SORCS1: variants seen among roughly 807,000 people sequenced by gnomAD.
The protein encoded by SORCS1 is VPS10 domain-containing receptor SorCS1.
Under a neutral mutation model 146.1 loss-of-function variants are expected in SORCS1, and 60 were observed. The ratio of observed to expected loss-of-function variants is 0.41; its 90% CI spans 0.33 to 0.51. SORCS1 has a LOEUF of 0.51. SORCS1 is among the 20% of genes least tolerant of loss of function. The probability of loss-of-function intolerance (pLI) is 0.21; values close to 1 mark genes in which losing one functional copy is unlikely to be tolerated. For synonymous variants in SORCS1, 637 were observed against 584.0 expected (o/e 1.09, Z -1.31); for missense variants, 1,352 against 1,487.6 (o/e 0.91, Z 1.50).
intron 2 of SORCS1, among the ~76,000 whole-genome samples, chr10:106,848,901 T>C (rs1438163287): frequency 2.0e-5 from 3 of 149,398 alleles, no homozygotes; most frequent in Non-Finnish European, 3.0e-5. Flanking sequence ...TTTAAGTATG[T>C]TGAATATTGG....
intron 3 of SORCS1, among the ~76,000 whole-genome samples, chr10:106,816,544 A>G (rs192612172): frequency 1.6e-4 from 25 of 152,330 alleles, no homozygotes; most frequent in Admixed American, 1.5e-3. Context: ...TCAGGAAGTA[A>G]TTAGAGAGCT....
chr10:106,953,807 T>C lies in SORCS1; in HGVS notation c.626+2706A>G, dbSNP rs1210237969. Reference sequence around the variant, plus strand: ...AGATACAGGAAAAATACAGTATAATTTTATGGGACCACTATTGTATATGGT... The same window carrying C: ...AGATACAGGAAAAATACAGTATAATCTTATGGGACCACTATTGTATATGGT... On this transcript the variant is annotated intron_variant, in intron 2 of 25. Transcript: ENST00000263054. Among the ~76,000 whole-genome samples, 4 of 152,096 alleles carry C rather than the reference T, an allele frequency of 2.6e-5. 1 individual carries two copies. The highest frequency in any genetic ancestry group is 2.0e-4 in the Admixed American group (3 of 15,256).
chr10:106,647,899 G>A lies in SORCS1; in HGVS notation c.2475+4483C>T, dbSNP rs143531040. Among the ~76,000 whole-genome samples the A allele has an allele frequency of 2.3e-3, 350 of 152,144 alleles. 3 individuals carry two copies. The highest frequency in any genetic ancestry group is 8.1e-3 in the African/African-American group (335 of 41,502). On this transcript the variant is annotated intron_variant, in intron 18 of 25. Coordinates refer to ENST00000263054, the MANE Select transcript of SORCS1 (RefSeq NM_052918.5). ...TTTAATGTGTTTGAGACAGGGTCTCGCTCTGTCAGCCAGGCTGGAGTGCTG... is the reference window on the plus strand; with the variant it reads ...TTTAATGTGTTTGAGACAGGGTCTCACTCTGTCAGCCAGGCTGGAGTGCTG...
At chr10:107,152,293 G>A (rs936346564) in intron 1 of SORCS1, among the ~76,000 whole-genome samples, 1 of 152,210 alleles carries the variant, frequency 6.6e-6, no homozygotes, top group Non-Finnish European at 1.5e-5. Flanking sequence ...GAGCCCTCAT[G>A]GAGAACCTCT....
At chr10:107,007,822 A>C (rs1957520032) in intron 1 of SORCS1, among the ~76,000 whole-genome samples, 1 of 140,016 alleles carries the variant, frequency 7.1e-6, no homozygotes, top group Admixed American at 6.6e-5. Context: ...GCTCAGGCCC[A>C]ATTACGCTTA....
intron 1 of SORCS1, among the ~76,000 whole-genome samples, chr10:106,982,015 C>G (rs1956263638): frequency 6.6e-6 from 1 of 152,142 alleles, no homozygotes; most frequent in Non-Finnish European, 1.5e-5. Context: ...GTTCCAAGTT[C>G]CAGGTCACCA....
intron 2 of SORCS1, among the ~76,000 whole-genome samples, chr10:106,853,325 C>T (rs181052051): frequency 6.6e-6 from 1 of 151,398 alleles, no homozygotes; most frequent in Admixed American, 6.6e-5. Flanking sequence ...TCTCCTCTTT[C>T]ATTTCTGACA....
chr10:107,166,944 T>G (rs1436903327), upstream of SORCS1, among the ~76,000 whole-genome samples: 1 of 152,244 alleles, frequency 6.6e-6, no homozygotes, highest in Non-Finnish European at 1.5e-5. Context: ...TCCTGAAGAA[T>G]GCTCGTACAA....
intron 9 of SORCS1, among the ~76,000 whole-genome samples, chr10:106,692,280 T>A (rs1365017103): frequency 2.0e-5 from 3 of 152,110 alleles, no homozygotes; most frequent in Non-Finnish European, 2.9e-5. Context: ...TTGCCCAGGC[T>A]GGTCTCAAAC....
chr10:106,870,377 C>T (rs1950362809), intron 2 of SORCS1, among the ~76,000 whole-genome samples: 1 of 152,030 alleles, frequency 6.6e-6, no homozygotes, highest in Admixed American at 6.6e-5. Flanking sequence ...CTCAAATAGC[C>T]CAGGCAATCT....
chr10:106,712,594 T>C (rs1258174777), intron 6 of SORCS1, among the ~76,000 whole-genome samples: 1 of 152,078 alleles, frequency 6.6e-6, no homozygotes, highest in East Asian at 1.9e-4. Flanking sequence ...TCAACTATCT[T>C]GTACTTTAGC....
chr10:106,774,025 C>T (rs1860238470), intron 4 of SORCS1, among the ~76,000 whole-genome samples: 1 of 151,968 alleles, frequency 6.6e-6, no homozygotes, highest in African/African-American at 2.4e-5. Flanking sequence ...ACATGTGATA[C>T]CAATTAGTGA....
chr10:106,807,930 T>C (rs1342534844), intron 3 of SORCS1, among the ~76,000 whole-genome samples: 1 of 152,236 alleles, frequency 6.6e-6, no homozygotes, highest in Non-Finnish European at 1.5e-5. Context: ...TCTCTTCTCT[T>C]CCAATGAGTC....
chr10:107,146,415 G>T (rs7915272), intron 1 of SORCS1, among the ~76,000 whole-genome samples: 5,737 of 152,154 alleles, frequency 0.038, 254 homozygotes, highest in African/African-American at 0.11. Context: ...GTTAGCTTTG[G>T]GGGTTTTGAA....
At chr10:106,730,473 G>T (rs1856516653) in intron 5 of SORCS1, among the ~76,000 whole-genome samples, 1 of 152,172 alleles carries the variant, frequency 6.6e-6, no homozygotes, top group Admixed American at 6.5e-5. Context: ...TGCTTCAGCT[G>T]GGTGACTTGA....
chr10:107,122,781 T>A (rs1356012642), intron 1 of SORCS1, among the ~76,000 whole-genome samples: 1 of 152,056 alleles, frequency 6.6e-6, no homozygotes, highest in Admixed American at 6.6e-5. Context: ...TCTTCTGAAT[T>A]TGCAGCTGGA....
chr10:107,002,389 G>C (rs1157530228), intron 1 of SORCS1, among the ~76,000 whole-genome samples: 1 of 152,138 alleles, frequency 6.6e-6, no homozygotes, highest in East Asian at 1.9e-4. Context: ...GTCAGACCAG[G>C]AGCCTGGGAA....
intron 19 of SORCS1, among the ~76,000 whole-genome samples, chr10:106,621,621 G>T (rs1002595477): frequency 8.6e-5 from 13 of 151,486 alleles, no homozygotes; most frequent in Non-Finnish European, 1.0e-4. Flanking sequence ...AGACTTCTTT[G>T]CCTCCAGCAA....
chr10:107,093,681 A>T (rs1964361130), intron 1 of SORCS1, among the ~76,000 whole-genome samples: 1 of 151,336 alleles, frequency 6.6e-6, no homozygotes, highest in African/African-American at 2.4e-5. Context: ...TCAGTCTCAA[A>T]AAAAAAAAAA....
Sources: gnomAD v4.1 joint callset for allele counts (sites outside exome capture counted in the v4.1 genomes callset) on GRCh38, gnomAD v4.1.1 for gene constraint, MANE v1.5 for transcripts, NCBI Gene and HGNC (gene_info 2026-07-23, HGNC 2026-07-21) for gene names.